The following ZCCHC14 variants were observed in gnomAD, a reference collection of about 807,000 sequenced individuals.
ZCCHC14 encodes the protein zinc finger CCHC domain-containing protein 14.
A neutral mutation model predicts 85.0 loss-of-function variants in ZCCHC14; 16 were observed. The observed-to-expected ratio is 0.19, with a 90% confidence interval of 0.13 to 0.29. ZCCHC14 has a LOEUF of 0.29. ZCCHC14 is among the 10% of genes least tolerant of loss of function. The pLI is 1.00. For synonymous variants in ZCCHC14, 775 were observed against 630.7 expected (o/e 1.23, Z -3.43); for missense variants, 1,303 against 1,443.5 (o/e 0.90, Z 1.58).
chr16:87,426,215 G>T (rs1177300558), intron 3 of ZCCHC14, among the ~76,000 whole-genome samples: 1 of 152,180 alleles, frequency 6.6e-6, no homozygotes, highest in Non-Finnish European at 1.5e-5. Context: ...ACTTGCCCCA[G>T]AGAGCCAGAA....
At chr16:87,447,564 T>C (rs995004215) in intron 2 of ZCCHC14, among the ~76,000 whole-genome samples, 2 of 152,202 alleles carry the variant, frequency 1.3e-5, no homozygotes, top group African/African-American at 4.8e-5. Context: ...TGAGTTCTCT[T>C]CCATTGTATA....
rs1303796609 is a variant in ZCCHC14 at position 87,411,818 on chromosome 16, C to T, written c.2903G>A (p.Cys968Tyr). The change falls in exon 12 of 13, where the codon TGC becomes TAC. Residue 968 changes from cysteine to tyrosine, a missense_variant. Physicochemically the swap from Cys to Tyr is radical, Grantham distance 194. Transcript: ENST00000671377. ...TFPFLPFSPM[C>Y]SSGYVSAQQY... ...CTGGGCGCTGACGTAGCCGCTGCTG[C>T]ACATGGGACTGAAGGGCAAGAAGGG... The T allele has an allele frequency of 6.2e-7, 1 of 1,611,670 alleles. No homozygotes were observed. The highest frequency in any genetic ancestry group is 1.1e-5 in the South Asian group (1 of 90,826).
intron 3 of ZCCHC14, among the ~76,000 whole-genome samples, chr16:87,430,339 T>C (rs1033171158): frequency 6.6e-6 from 1 of 152,186 alleles, no homozygotes; most frequent in African/African-American, 2.4e-5. Context: ...CCTGTGCGTG[T>C]GAGTCTGTCT....
intron 1 of ZCCHC14, chr16:87,470,604 C>G (rs1401425599): frequency 6.6e-6 from 1 of 152,108 alleles, no homozygotes; most frequent in East Asian, 1.9e-4. Flanking sequence ...GCGATGTAGT[C>G]AAAGGTTTGT....
Position 87,412,464 on chromosome 16 carries a change from C to G in ZCCHC14, c.2257G>C (p.Val753Leu). 6.2e-7 allele frequency: 1 copy of G among 1,613,888 alleles called. No individual in the cohort carries two copies. Among genetic ancestry groups the G allele is most frequent in the Non-Finnish European group, 8.5e-7 (1 of 1,179,966 alleles). ...CCCGTGGCGGCCGTGCTGGTCTCCA[C>G]GACCAGGGCCGGTTGCTGTGCTGTC... ...LKTAQQPALV[V>L]ETSTAATGTP... The change falls in exon 12 of 13, where the codon GTG becomes CTG. Residue 753 changes from valine (V) to leucine (L), a missense_variant. Coordinates refer to ENST00000671377, the MANE Select transcript of ZCCHC14 (RefSeq NM_015144.3).
Position 87,413,153 on chromosome 16 carries a change from C to A in ZCCHC14, c.1646G>T (p.Arg549Leu). 2 of 1,603,698 alleles carry A rather than the reference C, an allele frequency of 1.2e-6. No homozygotes were observed. Among genetic ancestry groups the A allele is most frequent in the East Asian group, 2.3e-5 (1 of 44,266 alleles). Residue 549 changes from arginine (R) to leucine (L), a missense_variant, in exon 11 of 13, where the codon CGG becomes CTG. Physicochemically the swap from Arg to Leu is moderately radical, Grantham distance 102. Coordinates refer to ENST00000671377, the MANE Select transcript of ZCCHC14 (RefSeq NM_015144.3). Reference protein sequence around the residue: ...EVEQPHHQLPREGSSSEYSSS... With the variant: ...EVEQPHHQLPLEGSSSEYSSS... ...GGAGTACTCCGAGGAACTGCCTTCC[C>A]GGGGCAGCTGGTGATGGGGCTGCTC...
chr16:87,468,770 A>G (rs370323520), intron 1 of ZCCHC14, among the ~76,000 whole-genome samples: 6 of 152,218 alleles, frequency 3.9e-5, no homozygotes, highest in African/African-American at 1.4e-4. Flanking sequence ...CAGCCAACGG[A>G]GACCAGCGAT....
Position 87,420,779 on chromosome 16 carries a change from C to T in ZCCHC14, c.841-63G>A. 1.4e-6 allele frequency: 2 copies of T among 1,414,036 alleles called. No homozygotes were observed. Among genetic ancestry groups the T allele is most frequent in the South Asian group, 2.6e-5 (2 of 76,192 alleles). 87.6% of individuals were successfully genotyped at this position (1,414,036 alleles called of 1,614,324 possible). A position where few individuals can be genotyped will look rare whatever the true frequency, so the allele number is the denominator to read the frequency against. Reference sequence around the variant, plus strand: ...CCCATCCAACACCAGCAGAATTCTGCTACTGCAGGAAAACCTGGGGCAGGT... The same window carrying T: ...CCCATCCAACACCAGCAGAATTCTGTTACTGCAGGAAAACCTGGGGCAGGT... On this transcript the variant is annotated intron_variant, in intron 4 of 12. Coordinates refer to ENST00000671377, the MANE Select transcript of ZCCHC14 (RefSeq NM_015144.3). The surrounding 1 kb of genome is among the most constrained non-coding windows in gnomAD (Gnocchi z 5.0).
chr16:87,424,883 G>T (rs530452066), intron 3 of ZCCHC14, among the ~76,000 whole-genome samples: 117 of 152,274 alleles, frequency 7.7e-4, no homozygotes, highest in African/African-American at 2.8e-3. Context: ...ACAAGAAGCT[G>T]GGGGATTTCA....
At chr16:87,467,105 T>C in intron 1 of ZCCHC14, 1 of 649,124 alleles carries the variant, frequency 1.5e-6, no homozygotes, top group Non-Finnish European at 2.7e-6. Context: ...ATCTGACCTC[T>C]AACTCCTGGC....
chr16:87,486,401 T>G (rs1384480750), intron 1 of ZCCHC14, among the ~76,000 whole-genome samples: 1 of 152,252 alleles, frequency 6.6e-6, no homozygotes, highest in Non-Finnish European at 1.5e-5. Flanking sequence ...TGGTATTCAG[T>G]ACAGTAACAC....
chr16:87,437,650 G>C (rs980637765), intron 2 of ZCCHC14, among the ~76,000 whole-genome samples: 15 of 152,238 alleles, frequency 9.9e-5, no homozygotes, highest in African/African-American at 3.6e-4. Flanking sequence ...GAACACGAAG[G>C]ATGATATACT....
At chr16:87,419,695 C>T (rs1461256519) in intron 6 of ZCCHC14, 88 bp downstream of exon 6, 6 of 1,191,240 alleles carry the variant, frequency 5.0e-6, no homozygotes, top group Non-Finnish European at 4.5e-6. Flanking sequence ...CTCAGCCTCC[C>T]AAAGTGCTGG....
chr16:87,418,777 A>C (rs1428340230), intron 7 of ZCCHC14, 70 bp downstream of exon 7: 2 of 1,465,154 alleles, frequency 1.4e-6, no homozygotes, highest in African/African-American at 2.8e-5. Flanking sequence ...GAACAACTTT[A>C]CACAGAACTC....
intron 1 of ZCCHC14, among the ~76,000 whole-genome samples, chr16:87,465,834 T>TA (rs1009488487): frequency 2.0e-3 from 298 of 151,396 alleles, no homozygotes; most frequent in African/African-American, 5.9e-3. Context: ...ATTTTTTTAT[T>TA]AAAAAAAAAT....
At chr16:87,467,591 G>C in intron 1 of ZCCHC14, 1 of 1,390,890 alleles carries the variant, frequency 7.2e-7, no homozygotes, top group South Asian at 1.2e-5. Flanking sequence ...ATTGGAATAG[G>C]TGTCAAGGAT....
At chr16:87,481,952 CAGAAGG>C (rs1326181047) in intron 1 of ZCCHC14, among the ~76,000 whole-genome samples, 2 of 152,154 alleles carry the variant, frequency 1.3e-5, no homozygotes, top group Non-Finnish European at 2.9e-5. Flanking sequence ...TGGTGGAAGG[CAGAAGG>C]GGAAAGGGCG....
At chr16:87,426,114 C>G (rs1909356022) in intron 3 of ZCCHC14, among the ~76,000 whole-genome samples, 1 of 152,080 alleles carries the variant, frequency 6.6e-6, no homozygotes, top group African/African-American at 2.4e-5. Context: ...GAGACCAGCC[C>G]ATGTCGCTCG....
At chr16:87,457,344 C>G (rs1911024870) in intron 2 of ZCCHC14, among the ~76,000 whole-genome samples, 1 of 152,246 alleles carries the variant, frequency 6.6e-6, no homozygotes, top group Non-Finnish European at 1.5e-5. Flanking sequence ...CAGCCAGCCA[C>G]AGGGTTAAGA....
Sources: allele counts gnomAD v4.1 joint callset (sites outside exome capture counted in the v4.1 genomes callset), GRCh38; gene constraint gnomAD v4.1.1; non-coding constraint Gnocchi (gnomAD v3.1); transcripts MANE v1.5; gene names NCBI Gene and HGNC (gene_info 2026-07-23, HGNC 2026-07-21).